Variants in SEC14L1 observed in about 807,000 individuals in gnomAD.
SEC14L1 encodes the protein SEC14-like protein 1.
SEC14L1 carries 48 observed loss-of-function variants against 85.3 expected under a neutral mutation model. The ratio of observed to expected loss-of-function variants is 0.56; its 90% CI spans 0.45 to 0.72. SEC14L1 has a LOEUF of 0.72. Among genes scored for constraint, SEC14L1 ranks in the 30% least tolerant of loss-of-function variants. The pLI, the probability that SEC14L1 is intolerant of heterozygous loss-of-function variation, is 0.00. For synonymous variants in SEC14L1, 391 were observed against 355.5 expected (o/e 1.10, Z -1.12); for missense variants, 682 against 921.4 (o/e 0.74, Z 3.36).
At position 77,097,577 on chromosome 17, in the gene SEC14L1, A is replaced by T. The variant is rs184400968; in HGVS notation, c.-136+4230A>T. ...GACTCCATCTCAAGAAAAAAAATTTAAAAAAAAGAGTGCTGATTGTTAGCT... is the reference window on the plus strand; with the variant it reads ...GACTCCATCTCAAGAAAAAAAATTTTAAAAAAAGAGTGCTGATTGTTAGCT... On this transcript the variant is annotated intron_variant, in intron 3 of 19. Transcript: ENST00000392476. Among the ~76,000 whole-genome samples, 1,098 of 150,200 alleles carry T rather than the reference A, an allele frequency of 7.3e-3. 10 individuals carry two copies. Among genetic ancestry groups the T allele is most frequent in the Non-Finnish European group, 0.012 (814 of 66,958 alleles).
At chr17:77,198,819 G>A (rs8066901) in intron 8 of SEC14L1, 7,942 of 152,196 alleles carry the variant, frequency 0.052, 319 homozygotes, top group Admixed American at 0.11. Flanking sequence ...TGATCCACCC[G>A]CCTCGGCCTC....
At chr17:77,127,872 C>T (rs1487566376) in intron 3 of SEC14L1, 7 of 152,152 alleles carry the variant, frequency 4.6e-5, no homozygotes, top group Non-Finnish European at 1.0e-4. Context: ...AGATTTGAGA[C>T]ACACAAGGGA....
intron 3 of SEC14L1, among the ~76,000 whole-genome samples, chr17:77,189,130 A>G (rs377062207): frequency 2.0e-5 from 3 of 152,320 alleles, no homozygotes; most frequent in South Asian, 4.1e-4. Flanking sequence ...TGATTCCAGA[A>G]TCAGGCAACA....
Position 77,200,598 on chromosome 17 carries a change from T to C in SEC14L1, c.934T>C (p.Tyr312His). ...GTGGAGAAAGCAGCATCAGGTAGAC[T>C]ACATTCTTGAAACCTGGACCCCTCC... ...LTWRKQHQVDYILETWTPPQV... is the reference protein window; with the variant it reads ...LTWRKQHQVDHILETWTPPQV... Residue 312 changes from tyrosine (Y) to histidine (H), a missense_variant, in exon 9 of 17, where the codon TAC becomes CAC. Around this residue, in one of 3 missense-constraint regions of SEC14L1, gnomAD observed 420 missense variants for 619.5 expected, o/e 0.68. Transcript: ENST00000436233. The C allele has an allele frequency of 6.2e-7, 1 of 1,614,190 alleles. No individual in the cohort carries two copies. The highest frequency in any genetic ancestry group is 8.5e-7 in the Non-Finnish European group (1 of 1,180,012).
chr17:77,128,734 G>A (rs919647764), intron 3 of SEC14L1, among the ~76,000 whole-genome samples: 3 of 152,048 alleles, frequency 2.0e-5, no homozygotes, highest in Non-Finnish European at 4.4e-5. Flanking sequence ...GATTACAGAT[G>A]TGATTCACCG....
Position 77,213,558 on chromosome 17 carries a change from C to T in SEC14L1, c.2042+66C>T, listed in dbSNP as rs1221196066. ...GGCATGGTTGGAGGGAGCCTGCAGT[C>T]CCACGCCGTGTGCAGGATCAGCAGT... On this transcript the variant is annotated intron_variant, in intron 16 of 16. Coordinates refer to ENST00000436233, the MANE Select transcript of SEC14L1 (RefSeq NM_001143998.2). The surrounding 1 kb of genome is among the most constrained non-coding windows in gnomAD (Gnocchi z 7.1). 2 of 1,568,038 alleles carry T rather than the reference C, an allele frequency of 1.3e-6. No homozygotes were observed. Among genetic ancestry groups the T allele is most frequent in the East Asian group, 2.2e-5 (1 of 44,636 alleles).
chr17:77,189,859 A>G (rs1431513185), intron 3 of SEC14L1, among the ~76,000 whole-genome samples: 1 of 152,002 alleles, frequency 6.6e-6, no homozygotes, highest in Non-Finnish European at 1.5e-5. Context: ...CAATCTCCTG[A>G]CCTCATGATC....
intron 3 of SEC14L1, among the ~76,000 whole-genome samples, chr17:77,166,099 G>A (rs146921000): frequency 6.7e-4 from 102 of 152,178 alleles, no homozygotes; most frequent in African/African-American, 2.2e-3. Context: ...CACACTTATT[G>A]AGTATTGTAC....
At chr17:77,114,741 A>C (rs1972128975) in intron 3 of SEC14L1, among the ~76,000 whole-genome samples, 1 of 149,034 alleles carries the variant, frequency 6.7e-6, no homozygotes, top group South Asian at 2.2e-4. Context: ...AGGCTGAGGC[A>C]GGAGAATTGC....
In SEC14L1 at chr17:77,194,013, A is replaced by C. The variant is rs574941718; in HGVS notation, c.474+464A>C. On this transcript the variant is annotated intron_variant, in intron 6 of 16. Transcript: ENST00000436233. ...GAAATCTATCCGTGTGGGATTATGG[A>C]GTGGTTTTTGAAGGCTCATTTTCAG... Among the ~76,000 whole-genome samples, 7 of 152,280 alleles carry C rather than the reference A, an allele frequency of 4.6e-5. No homozygotes were observed. In the South Asian group the frequency reaches 1.5e-3, roughly 32 times the overall value.
At chr17:77,196,824 T>C (rs1487792174) in intron 8 of SEC14L1, among the ~76,000 whole-genome samples, 1 of 152,242 alleles carries the variant, frequency 6.6e-6, no homozygotes, top group Non-Finnish European at 1.5e-5. Flanking sequence ...TCTGTCAGCC[T>C]GCTTACTAGA....
At chr17:77,134,218 T>C (rs2143458875) in intron 3 of SEC14L1, among the ~76,000 whole-genome samples, 1 of 151,490 alleles carries the variant, frequency 6.6e-6, no homozygotes, top group South Asian at 2.1e-4. Context: ...AAAGGAACAG[T>C]GCCACTTGAA....
intron 3 of SEC14L1, among the ~76,000 whole-genome samples, chr17:77,153,713 GTGCTGGGCAGTCAGTCC>G (rs1434551436): frequency 6.6e-6 from 1 of 152,108 alleles, no homozygotes; most frequent in Admixed American, 6.6e-5. Flanking sequence ...GTGTCCAGTT[GTGCTGGGCAGTCAGTCC>G]TTGCCCTCTT....
intron 3 of SEC14L1, among the ~76,000 whole-genome samples, chr17:77,177,490 C>A (rs911668420): frequency 6.6e-6 from 1 of 151,224 alleles, no homozygotes; most frequent in Non-Finnish European, 1.5e-5. Context: ...GCTGGAAATT[C>A]TTGAAGAAGA....
chr17:77,147,949 CTGAT>C (rs778826626), intron 3 of SEC14L1, among the ~76,000 whole-genome samples: 35 of 152,238 alleles, frequency 2.3e-4, no homozygotes, highest in Non-Finnish European at 3.4e-4. Flanking sequence ...GTGAAGGACA[CTGAT>C]TGATTGTGCC....
At chr17:77,186,106 A>G (rs941391711) in intron 3 of SEC14L1, among the ~76,000 whole-genome samples, 9 of 152,070 alleles carry the variant, frequency 5.9e-5, no homozygotes, top group Non-Finnish European at 1.0e-4. Context: ...TCTCTTATTA[A>G]TTTTCTGAAA....
chr17:77,205,200 C>T (rs1371551758), intron 10 of SEC14L1, 76 bp from the exon 11 acceptor site: 4 of 1,244,688 alleles, frequency 3.2e-6, no homozygotes, highest in Non-Finnish European at 4.7e-6. Flanking sequence ...CTGTTAGTGT[C>T]CCTCTTCCAT....
chr17:77,166,370 A>G (rs1974281930), intron 3 of SEC14L1, among the ~76,000 whole-genome samples: 2 of 152,234 alleles, frequency 1.3e-5, no homozygotes, highest in African/African-American at 4.8e-5. Flanking sequence ...CCCAAGGACC[A>G]CTTTTAATGG....
intron 3 of SEC14L1, among the ~76,000 whole-genome samples, chr17:77,115,300 G>A (rs1016090780): frequency 6.6e-6 from 1 of 151,924 alleles, no homozygotes; most frequent in Non-Finnish European, 1.5e-5. Flanking sequence ...GTGGTGGTGT[G>A]CGCCTGTAAT....
Sources: gnomAD v4.1 joint callset for allele counts (sites outside exome capture counted in the v4.1 genomes callset) on GRCh38, gnomAD v4.1.1 for gene constraint, gnomAD v4.1.1 regional missense constraint, Gnocchi (gnomAD v3.1) non-coding constraint, MANE v1.5 for transcripts, NCBI Gene and HGNC (gene_info 2026-07-23, HGNC 2026-07-21) for gene names.